Variants in KIF4A observed in about 807,000 individuals in gnomAD.
KIF4A encodes chromosome-associated kinesin KIF4A.
A neutral mutation model predicts 105.9 loss-of-function variants in KIF4A; 7 were observed. The ratio of observed to expected loss-of-function variants is 0.07; its 90% CI spans 0.04 to 0.12. KIF4A has a LOEUF of 0.12. KIF4A is among the 10% of genes least tolerant of loss of function. KIF4A has a pLI of 1.00. For synonymous variants in KIF4A, 281 were observed against 331.3 expected (o/e 0.85, Z 1.65); for missense variants, 558 against 929.2 (o/e 0.60, Z 5.19).
chrX:70,403,268 T>C (rs1023907268), intron 23 of KIF4A, among the ~76,000 whole-genome samples: 1 of 112,502 alleles, frequency 8.9e-6, no homozygotes, highest in African/African-American at 3.2e-5. Context: ...CTACCCTTTA[T>C]ACATTTTTGT....
chrX:70,378,798 C>T (rs2086185327), intron 18 of KIF4A, among the ~76,000 whole-genome samples: 1 of 108,320 alleles, frequency 9.2e-6, no homozygotes, highest in Admixed American at 1.0e-4. Context: ...ATCATTGAAA[C>T]CAAAAGTTGG....
chrX:70,290,315 C>A, intron 1 of KIF4A, 123 bp from the exon 2 acceptor site: 1 of 867,442 alleles, frequency 1.2e-6, no homozygotes, highest in Non-Finnish European at 1.6e-6. Context: ...CTGGCCAAGT[C>A]ATGGAGCGTG....
intron 15 of KIF4A, among the ~76,000 whole-genome samples, chrX:70,359,425 TTC>T (rs2086064765): frequency 9.2e-6 from 1 of 109,235 alleles, no homozygotes; most frequent in Non-Finnish European, 1.9e-5. Context: ...CTGTATTTCT[TTC>T]TTTCTTTCTT....
chrX:70,366,094 C>T (rs1035371497), intron 15 of KIF4A, among the ~76,000 whole-genome samples: 2 of 111,764 alleles, frequency 1.8e-5, no homozygotes, highest in Non-Finnish European at 3.8e-5. Flanking sequence ...GTGATATCTC[C>T]TTTATCATTT....
At position 70,374,053 on chromosome X, in the gene KIF4A, AAAT is replaced by A. The variant is rs754142773; in HGVS notation, c.1675-97_1675-95del. ...TTTCAGCGTGCAGTTGAAGTGGTAA[AAAT>A]TAATGCATAGTTCCTTGAGACATGG... On this transcript the variant is annotated intron_variant, in intron 15 of 30. Coordinates refer to ENST00000374403, the MANE Select transcript of KIF4A (RefSeq NM_012310.5). 9 of 430,873 alleles carry A rather than the reference AAAT, an allele frequency of 2.1e-5. No homozygotes were observed. In the African/African-American group the frequency reaches 2.3e-4, roughly 11 times the overall value. 35.5% of individuals were successfully genotyped at this position (430,873 alleles called of 1,213,427 possible). A position where few individuals can be genotyped will look rare whatever the true frequency, so the allele number is the denominator to read the frequency against.
At chrX:70,379,657 G>GAC (rs776327836) in intron 18 of KIF4A, among the ~76,000 whole-genome samples, 89 of 109,896 alleles carry the variant, frequency 8.1e-4, no homozygotes, top group Non-Finnish European at 1.4e-3. Context: ...TGGGTGTGGT[G>GAC]ACACACACTT....
intron 28 of KIF4A, among the ~76,000 whole-genome samples, chrX:70,408,722 T>A (rs564259073): frequency 8.9e-6 from 1 of 112,607 alleles, no homozygotes; most frequent in East Asian, 2.8e-4. Flanking sequence ...ACATATCATG[T>A]GCTCATAGTG....
At chrX:70,417,229 G>A (rs923128586) in intron 28 of KIF4A, among the ~76,000 whole-genome samples, 8 of 112,344 alleles carry the variant, frequency 7.1e-5, no homozygotes, top group African/African-American at 1.9e-4. Context: ...TCAGCCAGGC[G>A]CGGTGGCTCA....
At chrX:70,414,698 G>A (rs1259835948) in intron 28 of KIF4A, among the ~76,000 whole-genome samples, 3 of 112,143 alleles carry the variant, frequency 2.7e-5, no homozygotes, top group Non-Finnish European at 5.6e-5. Flanking sequence ...TTCTATAAAA[G>A]TGGGGTTAAA....
chrX:70,411,697 G>A (rs2086322681), intron 28 of KIF4A, among the ~76,000 whole-genome samples: 1 of 110,651 alleles, frequency 9.0e-6, no homozygotes, highest in African/African-American at 3.3e-5. Flanking sequence ...GATTTCTTAT[G>A]TGCAGCCAGA....
intron 15 of KIF4A, among the ~76,000 whole-genome samples, chrX:70,359,163 C>G (rs1347286303): frequency 8.9e-6 from 1 of 112,361 alleles, no homozygotes; most frequent in Non-Finnish European, 1.9e-5. Context: ...TATCTCTCAA[C>G]TGCTTTCCTT....
At chrX:70,343,337 TTTTG>T (rs2085979470) in intron 11 of KIF4A, among the ~76,000 whole-genome samples, 1 of 111,357 alleles carries the variant, frequency 9.0e-6, no homozygotes, top group East Asian at 2.8e-4. Flanking sequence ...TGTTTGTTTT[TTTTG>T]TTTGTTTGTT....
At chrX:70,373,286 C>A (rs1602783613) in intron 15 of KIF4A, among the ~76,000 whole-genome samples, 3 of 75,342 alleles carry the variant, frequency 4.0e-5, no homozygotes, top group Admixed American at 1.9e-4. Flanking sequence ...AAGAAAGAGA[C>A]AGACAGAGAA....
intron 7 of KIF4A, among the ~76,000 whole-genome samples, chrX:70,309,613 T>A (rs1199335670): frequency 8.9e-6 from 1 of 112,574 alleles, no homozygotes; most frequent in Non-Finnish European, 1.9e-5. Flanking sequence ...CAAAAAAAAT[T>A]GTAAATGTTT....
chrX:70,339,539 A>G (rs1466282146), intron 10 of KIF4A, among the ~76,000 whole-genome samples: 1 of 112,848 alleles, frequency 8.9e-6, no homozygotes, highest in Non-Finnish European at 1.9e-5. Context: ...AGATTCTAAG[A>G]AACAGTTGAT....
rs779389486 is a variant in KIF4A, at chrX:70,352,692, TCTAA to T, written c.1488+39_1488+42del. The T allele has an allele frequency of 2.4e-5, 23 of 978,373 alleles. No individual in the cohort carries two copies. The African/African-American group carries it at 4.3e-4, about 18-fold the overall frequency. 80.6% of individuals were successfully genotyped at this position (978,373 alleles called of 1,213,427 possible). A position where few individuals can be genotyped will look rare whatever the true frequency, so the allele number is the denominator to read the frequency against. ...GGCCCCTTTGTGTAGAACCAGGAGC[TCTAA>T]CTGCCGTTTCCTATAATTTATCACT... On this transcript the variant is annotated intron_variant, in intron 14 of 30. Coordinates refer to ENST00000374403, the MANE Select transcript of KIF4A (RefSeq NM_012310.5).
intron 15 of KIF4A, among the ~76,000 whole-genome samples, chrX:70,365,986 C>T (rs1209982921): frequency 2.7e-5 from 3 of 110,756 alleles, no homozygotes; most frequent in Non-Finnish European, 5.7e-5. Flanking sequence ...GTGTATGTGT[C>T]GAGGAGTTTA....
Position 70,353,746 on chromosome X carries a change from C to T in KIF4A, c.1613C>T (p.Ala538Val). 1 of 1,204,601 alleles carries T rather than the reference C, an allele frequency of 8.3e-7. No individual in the cohort carries two copies. The highest frequency in any genetic ancestry group is 1.1e-6 in the Non-Finnish European group (1 of 891,715). Residue 538 changes from alanine to valine, a missense_variant, in exon 15 of 31, where the codon GCC becomes GTC. Around this residue, in one of 2 missense-constraint regions of KIF4A, gnomAD observed 469 missense variants for 680.4 expected, o/e 0.69. Coordinates refer to ENST00000374403, the MANE Select transcript of KIF4A (RefSeq NM_012310.5). ...ELNKALALKE[A>V]LARKMTQNDS... ...AATAAAGCGCTTGCACTGAAAGAGGCCCTGGCTAGGAAGATGACTCAGAAT... is the reference window on the plus strand; with the variant it reads ...AATAAAGCGCTTGCACTGAAAGAGGTCCTGGCTAGGAAGATGACTCAGAAT...
intron 7 of KIF4A, among the ~76,000 whole-genome samples, chrX:70,304,183 T>G (rs2085816243): frequency 1.0e-5 from 1 of 97,888 alleles, no homozygotes; most frequent in Non-Finnish European, 2.0e-5. Context: ...AGTGAGAACA[T>G]GTGGTGTTTG....
Sources: allele counts gnomAD v4.1 joint callset (sites outside exome capture counted in the v4.1 genomes callset), GRCh38; gene constraint gnomAD v4.1.1; regional missense constraint gnomAD v4.1.1; transcripts MANE v1.5; gene names NCBI Gene and HGNC (gene_info 2026-07-23, HGNC 2026-07-21).